SLC14A2: variants seen among roughly 807,000 people sequenced by gnomAD.
SLC14A2 encodes solute carrier family 14 member 2.
A neutral mutation model predicts 104.6 loss-of-function variants in SLC14A2; 91 were observed. The ratio of observed to expected loss-of-function variants is 0.87; its 90% CI spans 0.73 to 1.04. The LOEUF is 1.04. Ranked by LOEUF, SLC14A2 falls within the 50% of genes least tolerant of loss-of-function variation. SLC14A2 has a pLI of 0.00. For synonymous variants in SLC14A2, 476 were observed against 466.4 expected (o/e 1.02, Z -0.27); for missense variants, 1,189 against 1,156.0 (o/e 1.03, Z -0.41).
chr18:45,343,276 G>A (rs1194947090), intron 1 of SLC14A2, among the ~76,000 whole-genome samples: 1 of 151,754 alleles, frequency 6.6e-6, no homozygotes. Context: ...TCTGAAATGA[G>A]TCCCACAGAG....
chr18:45,395,721 C>A (rs2086022307), intron 1 of SLC14A2, among the ~76,000 whole-genome samples: 1 of 152,144 alleles, frequency 6.6e-6, no homozygotes, highest in Non-Finnish European at 1.5e-5. Context: ...CCTGCCCTTA[C>A]TGTATGCCAG....
the SLC14A2 span, among the ~76,000 whole-genome samples, chr18:45,193,027 A>G: frequency 2.2e-4 from 33 of 152,086 alleles, no homozygotes; most frequent in African/African-American, 7.7e-4. Context: ...TACTTATTTT[A>G]AACCTTTTGT....
At position 45,644,176 on chromosome 18, in the gene SLC14A2, CG is replaced by C; in HGVS notation, c.1351+20del. ...GCCCCCAGCGGTGAATAGCCATGTT[CG>C]GGGAAGAAACGCTCTTTGCCTGACC... is the stretch of plus-strand genomic sequence containing the variant. On this transcript the variant is annotated intron_variant, in intron 10 of 19. Coordinates refer to ENST00000255226, the MANE Select transcript of SLC14A2 (RefSeq NM_007163.4). 2 of 1,613,304 alleles carry C rather than the reference CG, an allele frequency of 1.2e-6. No homozygotes were observed. The highest frequency in any genetic ancestry group is 1.7e-6 in the Non-Finnish European group (2 of 1,179,390).
intron 1 of SLC14A2, among the ~76,000 whole-genome samples, chr18:45,359,144 G>A (rs1205717690): frequency 6.6e-6 from 1 of 152,208 alleles, no homozygotes; most frequent in African/African-American, 2.4e-5. Flanking sequence ...AGGTGATGCT[G>A]ACTCATGGTT....
rs895386801 is a variant in SLC14A2 at position 45,441,172 on chromosome 18, C to T, written c.-124-42061C>T. ...ACTGCATTCTACTTATGCCAATGTTCCAGCCTCACTGCTCAGAAAAATAAC... is the reference window on the plus strand; with the variant it reads ...ACTGCATTCTACTTATGCCAATGTTTCAGCCTCACTGCTCAGAAAAATAAC... On this transcript the variant is annotated intron_variant, in intron 1 of 20. Coordinates refer to the SLC14A2 transcript ENST00000586448. Among the ~76,000 whole-genome samples, 23 of 152,128 alleles carry T rather than the reference C, an allele frequency of 1.5e-4. 1 individual carries two copies. The highest frequency in any genetic ancestry group is 5.9e-5 in the Non-Finnish European group (4 of 68,034).
At position 45,542,035 on chromosome 18, in the gene SLC14A2, G is replaced by GTTTTTTTTTTTTTTTTTTT. The variant is rs60977948; in HGVS notation, c.-35+58732_-35+58750dup. On this transcript the variant is annotated intron_variant, in intron 2 of 20. Transcript: ENST00000586448. ...GGGCTTGTTAGATGAAAGAGAGAGG[G>GTTTTTTTTTTTTTTTTTTT]TTTTTTTTTTTTTTTTTTTTTTTTT... Among the ~76,000 whole-genome samples, 9 of 54,234 alleles carry GTTTTTTTTTTTTTTTTTTT rather than the reference G, an allele frequency of 1.7e-4. 1 individual carries two copies. Among genetic ancestry groups the GTTTTTTTTTTTTTTTTTTT allele is most frequent in the Admixed American group, 4.4e-4 (2 of 4,544 alleles). 35.6% of individuals were successfully genotyped at this position (54,234 alleles called of 152,430 possible). A position where few individuals can be genotyped will look rare whatever the true frequency, so the allele number is the denominator to read the frequency against.
chr18:45,444,090 A>G (rs759961932), intron 1 of SLC14A2, among the ~76,000 whole-genome samples: 3 of 152,214 alleles, frequency 2.0e-5, no homozygotes, highest in Non-Finnish European at 2.9e-5. Flanking sequence ...TTCTATCATA[A>G]AGAAAGTTTG....
At chr18:45,173,148 T>C in the SLC14A2 span, among the ~76,000 whole-genome samples, 1 of 152,152 alleles carries the variant, frequency 6.6e-6, no homozygotes, top group African/African-American at 2.4e-5. Context: ...ACCAACTACA[T>C]GGCCCTTTGT....
At chr18:45,204,228 CT>C in the SLC14A2 span, among the ~76,000 whole-genome samples, 3 of 152,184 alleles carry the variant, frequency 2.0e-5, no homozygotes, top group Admixed American at 2.0e-4. Context: ...AAATCAACCT[CT>C]TGAGGCTCCC....
chr18:45,452,075 G>T (rs927796889), intron 1 of SLC14A2, among the ~76,000 whole-genome samples: 1 of 151,806 alleles, frequency 6.6e-6, no homozygotes, highest in Non-Finnish European at 1.5e-5. Flanking sequence ...GACAGCTGGG[G>T]GGATATCTGG....
At chr18:45,489,771 T>A (rs543851225) in intron 2 of SLC14A2, 1 of 152,274 alleles carries the variant, frequency 6.6e-6, no homozygotes, top group East Asian at 1.9e-4. Context: ...TGTCACAAAG[T>A]GTAGAAAAAA....
At chr18:45,559,748 TC>T (rs2044178062) in intron 2 of SLC14A2, among the ~76,000 whole-genome samples, 1 of 152,224 alleles carries the variant, frequency 6.6e-6, no homozygotes, top group East Asian at 1.9e-4. Context: ...TTGGCTAAAC[TC>T]AGTAGAGACT....
intron 2 of SLC14A2, among the ~76,000 whole-genome samples, chr18:45,592,301 A>G (rs948015546): frequency 6.6e-6 from 1 of 152,170 alleles, no homozygotes; most frequent in Non-Finnish European, 1.5e-5. Flanking sequence ...CTATGAGTCT[A>G]TAGAAGCCTA....
At chr18:45,294,723 C>T (rs779954980) in intron 1 of SLC14A2, among the ~76,000 whole-genome samples, 8 of 152,086 alleles carry the variant, frequency 5.3e-5, no homozygotes, top group African/African-American at 1.2e-4. Flanking sequence ...AGAAACACAC[C>T]GCACAGTGGC....
chr18:45,488,065 CAA>C (rs2087644427), intron 2 of SLC14A2, among the ~76,000 whole-genome samples: 1 of 152,144 alleles, frequency 6.6e-6, no homozygotes, highest in Non-Finnish European at 1.5e-5. Flanking sequence ...AACCTGATTA[CAA>C]AGTGGTCCTA....
chr18:45,665,553 A>AAAAACC, intron 11 of SLC14A2, among the ~76,000 whole-genome samples: 1 of 152,208 alleles, frequency 6.6e-6, no homozygotes. Flanking sequence ...AAACAAAAAC[A>AAAAACC]AACAGAACAG....
intron 1 of SLC14A2, among the ~76,000 whole-genome samples, chr18:45,370,330 C>T: frequency 6.6e-6 from 1 of 152,070 alleles, no homozygotes; most frequent in East Asian, 1.9e-4. Context: ...GGCAGGCCTC[C>T]GGAATGAGGG....
chr18:45,676,382 G>T (rs1352606102), intron 18 of SLC14A2, among the ~76,000 whole-genome samples: 2 of 152,172 alleles, frequency 1.3e-5, no homozygotes, highest in African/African-American at 2.4e-5. Context: ...AGGACATCTA[G>T]GATACCAGCT....
At chr18:45,445,709 G>C (rs550274592) in intron 1 of SLC14A2, among the ~76,000 whole-genome samples, 49 of 152,328 alleles carry the variant, frequency 3.2e-4, no homozygotes, top group African/African-American at 1.1e-3. Context: ...GATGAGAATA[G>C]AGTTGGCCCT....
Sources: allele counts gnomAD v4.1 joint callset (sites outside exome capture counted in the v4.1 genomes callset), GRCh38; gene constraint gnomAD v4.1.1; transcripts MANE v1.5; gene names NCBI Gene and HGNC (gene_info 2026-07-23, HGNC 2026-07-21).